The following ROBO1 variants were observed in gnomAD, a reference collection of about 807,000 sequenced individuals.
ROBO1 encodes the protein roundabout homolog 1.
ROBO1 carries 149 observed loss-of-function variants against 195.9 expected under a neutral mutation model. The ratio of observed to expected loss-of-function variants is 0.76; its 90% CI spans 0.67 to 0.87. The LOEUF (loss-of-function observed/expected upper bound fraction) is 0.87, where lower values mean the gene tolerates loss of function less well. Among genes scored for constraint, ROBO1 ranks in the 40% least tolerant of loss-of-function variants. The pLI is 0.00. For missense variants in ROBO1, 1,933 were observed against 2,068.3 expected (o/e 0.93, Z 1.27); for synonymous variants, 816 against 733.2 (o/e 1.11, Z -1.82).
chr3:78,832,053 G>T (rs1169425750), intron 4 of ROBO1, among the ~76,000 whole-genome samples: 1 of 147,854 alleles, frequency 6.8e-6, no homozygotes, highest in African/African-American at 2.5e-5. Flanking sequence ...GGTAAATATT[G>T]TAACTGTTAA....
chr3:78,740,107 T>C (rs1457240296), intron 5 of ROBO1, among the ~76,000 whole-genome samples: 2 of 152,158 alleles, frequency 1.3e-5, no homozygotes. Flanking sequence ...AAAGTGCTTG[T>C]AATAGGACCT....
chr3:79,701,910 A>G (rs1199287730), intron 1 of ROBO1, among the ~76,000 whole-genome samples: 1 of 151,788 alleles, frequency 6.6e-6, no homozygotes, highest in Admixed American at 6.6e-5. Flanking sequence ...GGCTCACTTT[A>G]TGACTATGGG....
intron 3 of ROBO1, among the ~76,000 whole-genome samples, chr3:78,999,101 T>A (rs1483231031): frequency 6.6e-6 from 1 of 152,040 alleles, no homozygotes; most frequent in Non-Finnish European, 1.5e-5. Flanking sequence ...AGGGAACACT[T>A]ATTATACACT....
At chr3:78,669,203 C>T (rs537029837) in intron 11 of ROBO1, among the ~76,000 whole-genome samples, 1 of 152,324 alleles carries the variant, frequency 6.6e-6, no homozygotes, top group African/African-American at 2.4e-5. Flanking sequence ...AAATCAGCAG[C>T]AGGATAATAA....
intron 2 of ROBO1, among the ~76,000 whole-genome samples, chr3:79,322,149 G>A (rs984178293): frequency 6.6e-6 from 1 of 152,126 alleles, no homozygotes; most frequent in African/African-American, 2.4e-5. Context: ...CTATCAATCA[G>A]ACTTAACCTA....
intron 2 of ROBO1, among the ~76,000 whole-genome samples, chr3:79,195,787 CA>C: frequency 6.6e-6 from 1 of 151,298 alleles, no homozygotes; most frequent in Admixed American, 6.6e-5. Flanking sequence ...AACTCAGAAA[CA>C]CTATACTGCA....
At chr3:79,766,631 C>T (rs752280811) in intron 1 of ROBO1, among the ~76,000 whole-genome samples, 1 of 152,126 alleles carries the variant, frequency 6.6e-6, no homozygotes, top group Non-Finnish European at 1.5e-5. Context: ...GCCGAGTTTT[C>T]CGCATCGGCC....
chr3:79,013,944 G>A (rs765257748), intron 3 of ROBO1, among the ~76,000 whole-genome samples: 12 of 151,788 alleles, frequency 7.9e-5, no homozygotes, highest in Non-Finnish European at 1.2e-4. Flanking sequence ...AAGCAAAAGC[G>A]TTACCATACA....
At chr3:79,619,275 G>A (rs185729499) in intron 1 of ROBO1, among the ~76,000 whole-genome samples, 1 of 152,186 alleles carries the variant, frequency 6.6e-6, no homozygotes, top group African/African-American at 2.4e-5. Flanking sequence ...CCCCTTCTCT[G>A]TGTCTCTACC....
chr3:79,416,123 T>A (rs2037990563), intron 2 of ROBO1, among the ~76,000 whole-genome samples: 1 of 152,104 alleles, frequency 6.6e-6, no homozygotes, highest in African/African-American at 2.4e-5. Flanking sequence ...ATCAGCCTAT[T>A]TGTCTGCATT....
At chr3:79,150,349 T>C (rs1441783168) in intron 2 of ROBO1, among the ~76,000 whole-genome samples, 1 of 151,832 alleles carries the variant, frequency 6.6e-6, no homozygotes, top group Non-Finnish European at 1.5e-5. Flanking sequence ...CTTTTATTTT[T>C]CAGTGTGGCA....
intron 4 of ROBO1, among the ~76,000 whole-genome samples, chr3:78,748,399 C>T (rs1220529126): frequency 6.6e-6 from 1 of 151,708 alleles, no homozygotes; most frequent in Non-Finnish European, 1.5e-5. Context: ...GAGCTGAGAT[C>T]GTGCCATTGC....
chr3:79,597,115 C>T (rs973328758), intron 1 of ROBO1, among the ~76,000 whole-genome samples: 13 of 148,354 alleles, frequency 8.8e-5, no homozygotes, highest in Non-Finnish European at 1.8e-4. Flanking sequence ...GTGTGTGTGC[C>T]TGTGTGCATG....
At chr3:78,600,632 A>G (rs1026901511) in intron 29 of ROBO1, among the ~76,000 whole-genome samples, 1 of 152,292 alleles carries the variant, frequency 6.6e-6, no homozygotes, top group Admixed American at 6.5e-5. Flanking sequence ...CAATTCTGTC[A>G]TTCACTATAT....
intron 4 of ROBO1, among the ~76,000 whole-genome samples, chr3:78,768,175 T>C (rs2083276436): frequency 6.6e-6 from 1 of 152,104 alleles, no homozygotes; most frequent in Non-Finnish European, 1.5e-5. Flanking sequence ...TGATTTCGTT[T>C]TTGACCAAAT....
chr3:78,731,383 A>G (rs1205296626), intron 5 of ROBO1, among the ~76,000 whole-genome samples: 1 of 152,154 alleles, frequency 6.6e-6, no homozygotes, highest in Non-Finnish European at 1.5e-5. Context: ...TAGGGATGGG[A>G]AAGCCTGCAC....
At chr3:79,381,270 T>C (rs2036559219) in intron 2 of ROBO1, among the ~76,000 whole-genome samples, 1 of 147,962 alleles carries the variant, frequency 6.8e-6, no homozygotes, top group Non-Finnish European at 1.5e-5. Flanking sequence ...GGCAGGAGAA[T>C]TGCTTGAACC....
At chr3:78,902,171 A>G (rs1468266627) in intron 4 of ROBO1, among the ~76,000 whole-genome samples, 2 of 152,184 alleles carry the variant, frequency 1.3e-5, no homozygotes, top group Non-Finnish European at 2.9e-5. Context: ...TATGAAATAA[A>G]TATCTAGAAT....
chr3:79,759,537 A>G (rs866687003), intron 1 of ROBO1, among the ~76,000 whole-genome samples: 20 of 152,230 alleles, frequency 1.3e-4, no homozygotes, highest in Admixed American at 6.5e-5. Context: ...ATTCATTAAT[A>G]TACTCTATAA....
Sources: gnomAD v4.1 joint callset for allele counts (sites outside exome capture counted in the v4.1 genomes callset) on GRCh38, gnomAD v4.1.1 for gene constraint, MANE v1.5 for transcripts, NCBI Gene and HGNC (gene_info 2026-07-23, HGNC 2026-07-21) for gene names.